RAD54L2: variants seen among roughly 807,000 people sequenced by gnomAD.
The protein encoded by RAD54L2 is RAD54 like 2.
RAD54L2 carries 27 observed loss-of-function variants against 138.4 expected under a neutral mutation model. The ratio of observed to expected loss-of-function variants is 0.20; its 90% CI spans 0.14 to 0.27. The LOEUF (loss-of-function observed/expected upper bound fraction) is 0.27, where lower values mean the gene tolerates loss of function less well. Ranked by LOEUF, RAD54L2 falls within the 10% of genes least tolerant of loss-of-function variation. The pLI, the probability that RAD54L2 is intolerant of heterozygous loss-of-function variation, is 1.00. For missense variants in RAD54L2, 1,396 were observed against 1,890.2 expected, an observed-to-expected ratio of 0.74 and a Z score of 4.85; for synonymous variants, 644 against 723.2, an observed-to-expected ratio of 0.89 and a Z score of 1.76.
chr3:51,550,377 A>G (rs569452515), intron 2 of RAD54L2, among the ~76,000 whole-genome samples: 1 of 152,326 alleles, frequency 6.6e-6, no homozygotes, highest in East Asian at 1.9e-4. Flanking sequence ...TTCCCTGGTT[A>G]CATAAACAAT....
intron 2 of RAD54L2, among the ~76,000 whole-genome samples, chr3:51,549,172 G>T (rs566205364): frequency 2.2e-4 from 33 of 151,996 alleles, no homozygotes; most frequent in Middle Eastern, 3.4e-3. Context: ...TTTTGTATTT[G>T]TAGTAGAGAT....
chr3:51,622,001 T>C (rs1316534148), intron 3 of RAD54L2, among the ~76,000 whole-genome samples: 1 of 152,158 alleles, frequency 6.6e-6, no homozygotes, highest in African/African-American at 2.4e-5. Flanking sequence ...TAGGAAGAAG[T>C]TGACAGCAGT....
chr3:51,640,947 G>A (rs920341850), intron 14 of RAD54L2, among the ~76,000 whole-genome samples: 4 of 152,082 alleles, frequency 2.6e-5, no homozygotes, highest in Non-Finnish European at 5.9e-5. Context: ...CCCATTATAC[G>A]CTAGGAAGGA....
chr3:51,552,544 G>A (rs146482818), intron 2 of RAD54L2, among the ~76,000 whole-genome samples: 1 of 148,740 alleles, frequency 6.7e-6, no homozygotes, highest in Non-Finnish European at 1.5e-5. Flanking sequence ...TTACAGGTGT[G>A]AGCCACTGCG....
chr3:51,546,672 T>C (rs1298564379), intron 2 of RAD54L2, among the ~76,000 whole-genome samples: 1 of 151,594 alleles, frequency 6.6e-6, no homozygotes, highest in Non-Finnish European at 1.5e-5. Context: ...CTGAGGCACT[T>C]TAAATTTAGC....
chr3:51,639,831 A>T, intron 13 of RAD54L2, 50 bp from the exon 14 acceptor site: 1 of 1,492,036 alleles, frequency 6.7e-7, no homozygotes, highest in Non-Finnish European at 9.1e-7. Context: ...TTTTATTTCT[A>T]GTGATCTGGC....
intron 2 of RAD54L2, 55 bp from the exon 3 acceptor site, chr3:51,590,312 C>G: frequency 7.6e-7 from 1 of 1,318,322 alleles, no homozygotes; most frequent in Non-Finnish European, 1.0e-6. Flanking sequence ...CTTTGAAAGA[C>G]TTGTGTTCCT....
At chr3:51,653,716 G>A (rs1010967171) in intron 19 of RAD54L2, among the ~76,000 whole-genome samples, 3 of 152,142 alleles carry the variant, frequency 2.0e-5, no homozygotes, top group African/African-American at 7.2e-5. Context: ...TCACTCATAG[G>A]TGGGAATTGA....
Position 51,638,064 on chromosome 3 carries a change from G to A in RAD54L2, c.1683-80G>A, listed in dbSNP as rs145708226. 131 of 1,365,434 alleles carry A rather than the reference G, an allele frequency of 9.6e-5. No homozygotes were observed. The highest frequency in any genetic ancestry group is 7.0e-4 in the East Asian group (29 of 41,380). 84.6% of individuals were successfully genotyped at this position (1,365,434 alleles called of 1,614,324 possible). A position where few individuals can be genotyped will look rare whatever the true frequency, so the allele number is the denominator to read the frequency against. On this transcript the variant is annotated intron_variant, in intron 11 of 22. Transcript: ENST00000684192. The surrounding 1 kb of genome is among the most constrained non-coding windows in gnomAD (Gnocchi z 4.3). ...CTCAAGAGGGAGGTGTGGCAGGAGT[G>A]CAAAAGGCTCTGTTTTTATCTTGTG...
At chr3:51,540,263 A>T (rs143121152) in intron 1 of RAD54L2, among the ~76,000 whole-genome samples, 1 of 152,246 alleles carries the variant, frequency 6.6e-6, no homozygotes, top group Non-Finnish European at 1.5e-5. Context: ...TCCATCCTTA[A>T]ATCCATGAAA....
chr3:51,568,433 G>A (rs913046304), intron 2 of RAD54L2, among the ~76,000 whole-genome samples: 1 of 152,168 alleles, frequency 6.6e-6, no homozygotes, highest in Non-Finnish European at 1.5e-5. Flanking sequence ...TGAATAACCA[G>A]AAGATTGTAA....
chr3:51,599,958 C>A (rs954513723), intron 3 of RAD54L2, among the ~76,000 whole-genome samples: 1 of 144,412 alleles, frequency 6.9e-6, no homozygotes, highest in Non-Finnish European at 1.5e-5. Context: ...TGAGACGGAG[C>A]CTCACCGTCA....
chr3:51,582,766 C>CTTTTTTT (rs61245532), intron 2 of RAD54L2, among the ~76,000 whole-genome samples: 17 of 147,306 alleles, frequency 1.2e-4, no homozygotes, highest in Admixed American at 5.5e-4. Flanking sequence ...CCAGGGAAGT[C>CTTTTTTT]TTTTTTTTTT....
chr3:51,599,642 T>C (rs1254010228), intron 3 of RAD54L2, among the ~76,000 whole-genome samples: 1 of 150,458 alleles, frequency 6.6e-6, no homozygotes, highest in Non-Finnish European at 1.5e-5. Context: ...AGCCTCTGTC[T>C]CCCAGGTTCA....
At chr3:51,644,305 T>C (rs1029295705) in intron 16 of RAD54L2, among the ~76,000 whole-genome samples, 2 of 151,880 alleles carry the variant, frequency 1.3e-5, no homozygotes, top group African/African-American at 4.8e-5. Flanking sequence ...ATTAGCTGAG[T>C]GTGGTGGCAT....
intron 6 of RAD54L2, 133 bp downstream of exon 6, chr3:51,630,521 T>C: frequency 1.0e-6 from 1 of 999,818 alleles, no homozygotes; most frequent in Non-Finnish European, 1.5e-6. Context: ...TGTGTCTCCT[T>C]GGTAAATATA....
intron 21 of RAD54L2, among the ~76,000 whole-genome samples, chr3:51,658,352 G>A (rs1398553376): frequency 6.6e-6 from 1 of 152,198 alleles, no homozygotes; most frequent in African/African-American, 2.4e-5. Flanking sequence ...CTTGCTTGGA[G>A]CAGGGTGGGG....
intron 2 of RAD54L2, among the ~76,000 whole-genome samples, chr3:51,583,307 C>T (rs1040273833): frequency 5.3e-5 from 8 of 152,090 alleles, no homozygotes; most frequent in African/African-American, 1.2e-4. Context: ...TGAAGAAAAA[C>T]GAGCCTCACA....
chr3:51,640,071 C>A, intron 14 of RAD54L2, 72 bp downstream of exon 14: 1 of 1,131,990 alleles, frequency 8.8e-7, no homozygotes, highest in Non-Finnish European at 1.3e-6. Flanking sequence ...CAGAGCAAGA[C>A]CAAGACCACC....
Sources: gnomAD v4.1 joint callset for allele counts (sites outside exome capture counted in the v4.1 genomes callset) on GRCh38, gnomAD v4.1.1 for gene constraint, Gnocchi (gnomAD v3.1) non-coding constraint, MANE v1.5 for transcripts, NCBI Gene and HGNC (gene_info 2026-07-23, HGNC 2026-07-21) for gene names.